The following UNC5D variants were observed in gnomAD, a reference collection of about 807,000 sequenced individuals.
UNC5D encodes the protein netrin receptor UNC5D.
A neutral mutation model predicts 105.4 loss-of-function variants in UNC5D; 39 were observed. The observed-to-expected ratio is 0.37, with a 90% CI of 0.29 to 0.48. The LOEUF (loss-of-function observed/expected upper bound fraction) is 0.48. Among genes scored for constraint, UNC5D ranks in the 20% least tolerant of loss-of-function variants. The pLI is 0.98. For missense variants in UNC5D, 991 were observed against 1,202.4 expected, an observed-to-expected ratio of 0.82 and a Z score of 2.60; for synonymous variants, 452 against 450.4, an observed-to-expected ratio of 1.00 and a Z score of -0.04.
chr8:35,393,690 G>A lies in UNC5D; in HGVS notation c.104-155602G>A, dbSNP rs148190853. On this transcript the variant is annotated intron_variant, in intron 1 of 16. Transcript: ENST00000404895. The stretch of plus-strand genomic sequence containing the variant: ...AAGCACCAGTGACAAGCATAGATTG[G>A]AGTGTCCTACTTTAGGTATTGAAAA... Among the ~76,000 whole-genome samples the A allele has an allele frequency of 6.9e-3, 1,048 of 152,192 alleles. 9 individuals are homozygous for A. The highest frequency in any genetic ancestry group is 0.024 in the African/African-American group (980 of 41,516).
Position 35,795,346 on chromosome 8 carries a change from A to G in UNC5D, c.*4783A>G, listed in dbSNP as rs939610337. ...TTGCCTCCAGTTTTGCTAACCCTAA[A>G]AAGTATTTCACTAATTTCAAGCACT... is the stretch of plus-strand genomic sequence containing the variant. On this transcript the variant is annotated 3_prime_UTR_variant, in exon 17 of 17. Coordinates refer to ENST00000404895, the MANE Select transcript of UNC5D (RefSeq NM_080872.4). 1 of 152,200 alleles carries G rather than the reference A, an allele frequency of 6.6e-6. No individual in the cohort carries two copies. 9.4% of individuals were successfully genotyped at this position (152,200 alleles called of 1,614,324 possible). A position where few individuals can be genotyped will look rare whatever the true frequency, so the allele number is the denominator to read the frequency against.
intron 13 of UNC5D, among the ~76,000 whole-genome samples, chr8:35,752,097 A>C (rs1830309510): frequency 6.6e-6 from 1 of 152,182 alleles, no homozygotes; most frequent in Non-Finnish European, 1.5e-5. Context: ...TAGTCTATTA[A>C]TTATCAGGGC....
chr8:35,297,970 T>G (rs967728816), intron 1 of UNC5D, among the ~76,000 whole-genome samples: 3 of 152,180 alleles, frequency 2.0e-5, no homozygotes, highest in Non-Finnish European at 4.4e-5. Context: ...GTAGCATTCC[T>G]CTCTGTCTTC....
chr8:35,656,713 A>T (rs1016856407), intron 4 of UNC5D, among the ~76,000 whole-genome samples: 1 of 152,064 alleles, frequency 6.6e-6, no homozygotes, highest in African/African-American at 2.4e-5. Context: ...AATCCCAGGG[A>T]CGTACATACC....
chr8:35,371,537 C>T (rs1802428686), intron 1 of UNC5D, among the ~76,000 whole-genome samples: 2 of 152,120 alleles, frequency 1.3e-5, no homozygotes, highest in Admixed American at 6.5e-5. Context: ...GTCTAGTAAA[C>T]ACCTGCTGTA....
intron 1 of UNC5D, among the ~76,000 whole-genome samples, chr8:35,428,597 G>T (rs76116256): frequency 0.051 from 7,754 of 151,918 alleles, 264 homozygotes; most frequent in Non-Finnish European, 0.073. Context: ...GCTGATGTTT[G>T]GCGGCTATGA....
At chr8:35,520,219 ATT>A (rs1813370987) in intron 1 of UNC5D, among the ~76,000 whole-genome samples, 1 of 152,138 alleles carries the variant, frequency 6.6e-6, no homozygotes, top group Non-Finnish European at 1.5e-5. Flanking sequence ...ACGAAATATT[ATT>A]TGTCAATATA....
At chr8:35,242,467 TTTTATTTA>T (rs577790221) in intron 1 of UNC5D, among the ~76,000 whole-genome samples, 13 of 151,972 alleles carry the variant, frequency 8.6e-5, no homozygotes, top group African/African-American at 2.2e-4. Flanking sequence ...CAGCTTATTA[TTTTATTTA>T]TTTATTTATT....
chr8:35,375,501 C>T (rs1802648277), intron 1 of UNC5D, among the ~76,000 whole-genome samples: 1 of 152,144 alleles, frequency 6.6e-6, no homozygotes, highest in Non-Finnish European at 1.5e-5. Flanking sequence ...AAAAAAGGAA[C>T]GTGAGTTACA....
chr8:35,395,093 C>A (rs1231974733), intron 1 of UNC5D, among the ~76,000 whole-genome samples: 1 of 152,088 alleles, frequency 6.6e-6, no homozygotes, highest in South Asian at 2.1e-4. Flanking sequence ...TAGGGCTATT[C>A]TTCTGCATAG....
intron 1 of UNC5D, among the ~76,000 whole-genome samples, chr8:35,291,131 G>A (rs1041217464): frequency 6.6e-6 from 1 of 152,022 alleles, no homozygotes; most frequent in Non-Finnish European, 1.5e-5. Flanking sequence ...GGAGCAAATT[G>A]TGTGATATAG....
intron 11 of UNC5D, among the ~76,000 whole-genome samples, chr8:35,747,691 C>T (rs1830071980): frequency 6.6e-6 from 1 of 152,116 alleles, no homozygotes; most frequent in Non-Finnish European, 1.5e-5. Flanking sequence ...TCCTCCTTAC[C>T]GTTTGGGGGC....
chr8:35,317,548 A>G (rs1809398904), intron 1 of UNC5D, among the ~76,000 whole-genome samples: 1 of 152,112 alleles, frequency 6.6e-6, no homozygotes, highest in African/African-American at 2.4e-5. Flanking sequence ...TAAACTTGAA[A>G]GAGACTAACA....
intron 1 of UNC5D, among the ~76,000 whole-genome samples, chr8:35,304,495 A>G (rs1273558389): frequency 6.6e-6 from 1 of 152,106 alleles, no homozygotes; most frequent in African/African-American, 2.4e-5. Context: ...GACAAAGTAA[A>G]ATGAATCACA....
At chr8:35,734,249 G>A (rs924925635) in intron 11 of UNC5D, among the ~76,000 whole-genome samples, 43 of 141,478 alleles carry the variant, frequency 3.0e-4, no homozygotes, top group African/African-American at 1.1e-3. Context: ...TCAAGGGTAT[G>A]TAAGCCATCC....
At chr8:35,774,108 T>C (rs1367701605) in intron 15 of UNC5D, among the ~76,000 whole-genome samples, 191 bp from the exon 16 acceptor site, 1 of 152,174 alleles carries the variant, frequency 6.6e-6, no homozygotes, top group Non-Finnish European at 1.5e-5. Flanking sequence ...GTACACAATT[T>C]ATTAGGCTAC....
intron 1 of UNC5D, among the ~76,000 whole-genome samples, chr8:35,291,590 T>C (rs965986952): frequency 6.6e-6 from 1 of 152,216 alleles, no homozygotes; most frequent in Non-Finnish European, 1.5e-5. Flanking sequence ...GCTTTCCCTG[T>C]ATATAATGAT....
intron 1 of UNC5D, among the ~76,000 whole-genome samples, chr8:35,376,316 T>C (rs1172044661): frequency 3.3e-5 from 5 of 152,178 alleles, no homozygotes; most frequent in African/African-American, 1.2e-4. Context: ...AAGAAGAGAT[T>C]ATCATACCTT....
At chr8:35,285,590 A>G (rs193093123) in intron 1 of UNC5D, among the ~76,000 whole-genome samples, 34 of 152,344 alleles carry the variant, frequency 2.2e-4, no homozygotes, top group African/African-American at 7.0e-4. Context: ...GATCAATTAT[A>G]TTTATTCAGG....
Sources: allele counts gnomAD v4.1 joint callset (sites outside exome capture counted in the v4.1 genomes callset), GRCh38; gene constraint gnomAD v4.1.1; transcripts MANE v1.5; gene names NCBI Gene and HGNC (gene_info 2026-07-23, HGNC 2026-07-21).